The following CAPN3 variants were observed in gnomAD, a reference collection of about 807,000 sequenced individuals.
CAPN3 encodes the protein calpain-3.
In CAPN3, 88 loss-of-function variants were observed where a neutral mutation model predicts 114.0. That is an observed-to-expected ratio of 0.77 (90% confidence interval 0.65 to 0.92). The LOEUF is 0.92. Ranked by LOEUF, CAPN3 falls within the 40% of genes least tolerant of loss-of-function variation. The pLI, the probability that CAPN3 is intolerant of heterozygous loss-of-function variation, is 0.00. For synonymous variants in CAPN3, 386 were observed against 382.9 expected (o/e 1.01, Z -0.09); for missense variants, 1,028 against 1,069.0 (o/e 0.96, Z 0.53).
chr15:42,386,005 C>T, intron 2 of CAPN3, 162 bp from the exon 3 acceptor site: 4 of 751,792 alleles, frequency 5.3e-6, no homozygotes, highest in Non-Finnish European at 9.8e-6. Context: ...TCCAATTCTC[C>T]TTCCCTGGGT....
At chr15:42,396,904 GA>G in intron 9 of CAPN3, 27 bp downstream of exon 9, 1 of 1,544,810 alleles carries the variant, frequency 6.5e-7, no homozygotes, top group Non-Finnish European at 9.0e-7. Context: ...GGAAGACCCA[GA>G]AGGGTAAGGG....
chr15:42,398,477 A>G (rs1034375408), intron 9 of CAPN3, among the ~76,000 whole-genome samples: 1 of 151,610 alleles, frequency 6.6e-6, no homozygotes, highest in African/African-American at 2.4e-5. Context: ...CCAGCTGCTC[A>G]GCTGGCTGAG....
intron 3 of CAPN3, 77 bp from the exon 4 acceptor site, chr15:42,387,676 C>T: frequency 6.4e-7 from 1 of 1,564,318 alleles, no homozygotes; most frequent in Non-Finnish European, 8.8e-7. Context: ...CAAGAACCCC[C>T]TGAGGAATGT....
intron 1 of CAPN3, among the ~76,000 whole-genome samples, chr15:42,363,432 G>GA (rs2052698502): frequency 6.6e-6 from 1 of 152,164 alleles, no homozygotes; most frequent in Non-Finnish European, 1.5e-5. Context: ...AGGGCAGGTC[G>GA]TGTTTCATTC....
intron 15 of CAPN3, 58 bp from the exon 16 acceptor site, chr15:42,408,153 T>C (rs2054078816): frequency 1.8e-6 from 2 of 1,122,788 alleles, no homozygotes; most frequent in African/African-American, 1.5e-5. Context: ...GCTGCCTCAG[T>C]GTGCCTGTTC....
rs777076120 is a variant in CAPN3, at chr15:42,389,961, G to A, written c.810G>A (p.Thr270=). ...TCTCCATCGGGCCTCAGGATGGCAC[G>A]AACATGACCTATGGAACCTCTCCTT... The part of the protein sequence containing the change: ...SLMGCSIDDG[T]NMTYGTSPSG... Residue 270 remains threonine (T), a synonymous_variant, in exon 6 of 24, where the codon ACG becomes ACA. Transcript: ENST00000397163. 45 of 1,613,836 alleles carry A rather than the reference G, an allele frequency of 2.8e-5. No individual in the cohort carries two copies. The highest frequency in any genetic ancestry group is 8.0e-5 in the African/African-American group (6 of 74,836).
chr15:42,370,712 AT>A (rs2052921502), intron 1 of CAPN3, among the ~76,000 whole-genome samples: 1 of 152,190 alleles, frequency 6.6e-6, no homozygotes, highest in African/African-American at 2.4e-5. Context: ...AGTAAGTCAC[AT>A]TTTTTAAGTT....
intron 1 of CAPN3, among the ~76,000 whole-genome samples, chr15:42,383,881 CCTAA>C (rs939134195): frequency 1.3e-5 from 2 of 151,652 alleles, no homozygotes; most frequent in Admixed American, 6.6e-5. Context: ...CCGACACTGC[CCTAA>C]CTCTCAAGTT....
chr15:42,397,416 C>T (rs575383599), intron 9 of CAPN3, among the ~76,000 whole-genome samples: 45 of 152,214 alleles, frequency 3.0e-4, no homozygotes, highest in East Asian at 1.9e-3. Flanking sequence ...CCGAGGTGAA[C>T]GGATCACGAG....
Position 42,404,717 on chromosome 15 carries a change from CGTA to C in CAPN3, c.1782+942_1782+944del, listed in dbSNP as rs946125395. 1.1e-5 allele frequency: 13 copies of C among 1,163,040 alleles called. No individual in the cohort carries two copies. In the East Asian group the frequency reaches 7.2e-4, roughly 64 times the overall value. The allele number at this position is 1,163,040 out of a possible 1,614,324, so 72.0% of individuals were successfully genotyped here. On this transcript the variant is annotated intron_variant, in intron 14 of 23. Coordinates refer to ENST00000397163, the MANE Select transcript of CAPN3 (RefSeq NM_000070.3). ...AGTCCTTTGTGCTCTGTGGGGATGA[CGTA>C]GGCCAATGGGAGGACAAATGCCCCT...
In CAPN3 at chr15:42,409,320, T is replaced by C. The variant is rs2054128881; in HGVS notation, c.1932T>C (p.Ser644=). The part of the protein sequence containing the change: ...KQSPQPQPGS[S]DQESEEQQQF... The stretch of plus-strand genomic sequence containing the variant: ...CTCCACAGCCACAGCCTGGCAGCTC[T>C]GATCAGGAAAGTGAGGAACAGCAAC... The change falls in exon 17 of 24, where the codon TCT becomes TCC. Residue 644 remains serine (S), a synonymous_variant. Coordinates refer to ENST00000397163, the MANE Select transcript of CAPN3 (RefSeq NM_000070.3). 6.2e-7 allele frequency: 1 copy of C among 1,614,198 alleles called. No individual in the cohort carries two copies. Among genetic ancestry groups the C allele is most frequent in the South Asian group, 1.1e-5 (1 of 91,078 alleles).
rs754930571 is a variant in CAPN3 at position 42,403,779 on chromosome 15, T to C, written c.1782+2T>C. ...ACCATCTCCGTGGATCGGCCAGTGG[T>C]GAGTGGTTTAGATCTTCTGTGCGAA... On this transcript the variant is annotated splice_donor_variant, in intron 14 of 23. Transcript: ENST00000397163. LOFTEE classifies it high-confidence loss of function. 1.9e-6 allele frequency: 3 copies of C among 1,613,722 alleles called. No homozygotes were observed. Among genetic ancestry groups the C allele is most frequent in the Non-Finnish European group, 2.5e-6 (3 of 1,179,760 alleles).
intron 10 of CAPN3, 99 bp from the exon 11 acceptor site, chr15:42,401,542 T>TA (rs2053868358): frequency 2.7e-6 from 2 of 735,890 alleles, no homozygotes; most frequent in Non-Finnish European, 4.2e-6. Context: ...CCTAAGCACC[T>TA]AGATGTAGGG....
chr15:42,378,153 G>C (rs1448420996), intron 1 of CAPN3, among the ~76,000 whole-genome samples: 1 of 152,222 alleles, frequency 6.6e-6, no homozygotes, highest in Non-Finnish European at 1.5e-5. Context: ...CCACGGCCCT[G>C]ACTAGCTAGC....
chr15:42,393,710 C>T lies in CAPN3; in HGVS notation c.1030-546C>T, dbSNP rs979765678. Among the ~76,000 whole-genome samples the T allele has an allele frequency of 2.7e-4, 41 of 151,850 alleles. 1 individual carries two copies. The highest frequency in any genetic ancestry group is 1.8e-4 in the Non-Finnish European group (12 of 67,988). ...CTGGATTCAAGCGATTTTCCTGCCTCAGCCTCCTGAGTAGCTGGGATTACA... is the reference window on the plus strand; with the variant it reads ...CTGGATTCAAGCGATTTTCCTGCCTTAGCCTCCTGAGTAGCTGGGATTACA... On this transcript the variant is annotated intron_variant, in intron 7 of 23. Transcript: ENST00000397163.
chr15:42,365,335 A>G (rs1329829204), intron 1 of CAPN3, among the ~76,000 whole-genome samples: 1 of 152,128 alleles, frequency 6.6e-6, no homozygotes, highest in Non-Finnish European at 1.5e-5. Context: ...TCATTGATAT[A>G]CAGCCACCTC....
At chr15:42,385,363 C>T (rs886316508) in intron 2 of CAPN3, among the ~76,000 whole-genome samples, 3 of 152,066 alleles carry the variant, frequency 2.0e-5, no homozygotes, top group Admixed American at 2.0e-4. Flanking sequence ...AACCAATAAC[C>T]TCTTTCCAAG....
intron 2 of CAPN3, chr15:42,385,581 C>T (rs1200780651): frequency 6.2e-5 from 30 of 486,638 alleles, no homozygotes; most frequent in South Asian, 3.1e-4. Context: ...AGTGTTACCT[C>T]CAACTACATA....
At position 42,394,254 on chromosome 15, in the gene CAPN3, A is replaced by T; in HGVS notation, c.1030-2A>T. 6.4e-7 allele frequency: 1 copy of T among 1,555,618 alleles called. No homozygotes were observed. The highest frequency in any genetic ancestry group is 8.7e-7 in the Non-Finnish European group (1 of 1,148,978). ...CATGAGAGCTCTTTCTGTGTGCTTA[A>T]GGTCCCGTTCAAAGGTGAGAAAGTG... On this transcript the variant is annotated splice_acceptor_variant, in intron 7 of 23. Coordinates refer to ENST00000397163, the MANE Select transcript of CAPN3 (RefSeq NM_000070.3). LOFTEE classifies it high-confidence loss of function.
Sources: allele counts gnomAD v4.1 joint callset (sites outside exome capture counted in the v4.1 genomes callset), GRCh38; gene constraint gnomAD v4.1.1; transcripts MANE v1.5; gene names NCBI Gene and HGNC (gene_info 2026-07-23, HGNC 2026-07-21).